CORO1C: variants seen among roughly 807,000 people sequenced by gnomAD.
CORO1C encodes coronin 1C.
CORO1C carries 14 observed loss-of-function variants against 51.2 expected under a neutral mutation model. The observed-to-expected ratio is 0.27, with a 90% CI of 0.18 to 0.43. CORO1C has a LOEUF of 0.43. CORO1C is among the 20% of genes least tolerant of loss of function. CORO1C has a pLI of 1.00. For synonymous variants in CORO1C, 181 were observed against 210.5 expected, an observed-to-expected ratio of 0.86 and a Z score of 1.21; for missense variants, 417 against 607.8, an observed-to-expected ratio of 0.69 and a Z score of 3.30.
intron 3 of CORO1C, among the ~76,000 whole-genome samples, chr12:108,671,708 AATGGAATAAGGT>A (rs2033726142): frequency 1.3e-5 from 2 of 152,196 alleles, no homozygotes; most frequent in Non-Finnish European, 2.9e-5. Context: ...GCCAAAAGAA[AATGGAATAAGGT>A]ATTTAGTTAC....
chr12:108,724,825 T>C (rs2035550084), intron 1 of CORO1C, among the ~76,000 whole-genome samples: 1 of 152,214 alleles, frequency 6.6e-6, no homozygotes, highest in Non-Finnish European at 1.5e-5. Context: ...CTTTGCATTA[T>C]ATTAATTACT....
intron 1 of CORO1C, among the ~76,000 whole-genome samples, chr12:108,715,811 C>T (rs2035316480): frequency 6.6e-6 from 1 of 151,982 alleles, no homozygotes; most frequent in South Asian, 2.1e-4. Flanking sequence ...CTTTTATAGA[C>T]ATGAGTGACC....
chr12:108,718,477 G>C (rs1354708355), intron 1 of CORO1C, among the ~76,000 whole-genome samples: 1 of 152,154 alleles, frequency 6.6e-6, no homozygotes, highest in Non-Finnish European at 1.5e-5. Flanking sequence ...GGGAGGCAGA[G>C]GTTGCAGTGA....
chr12:108,708,909 C>T (rs892528662), intron 1 of CORO1C, among the ~76,000 whole-genome samples: 1 of 151,898 alleles, frequency 6.6e-6, no homozygotes, highest in Non-Finnish European at 1.5e-5. Flanking sequence ...TACGCCACCA[C>T]ACCAGGCTAA....
intron 1 of CORO1C, among the ~76,000 whole-genome samples, chr12:108,712,178 G>T (rs1219636302): frequency 2.0e-5 from 3 of 152,200 alleles, no homozygotes; most frequent in Non-Finnish European, 4.4e-5. Flanking sequence ...GAGATCCGAT[G>T]TGTTATTCAA....
intron 3 of CORO1C, among the ~76,000 whole-genome samples, chr12:108,675,075 C>T (rs1592884192): frequency 1.3e-5 from 2 of 152,150 alleles, no homozygotes; most frequent in Admixed American, 6.5e-5. Flanking sequence ...TCCAGCCCAA[C>T]CTTCAGCAAC....
At chr12:108,696,178 G>C (rs974373872) in intron 2 of CORO1C, among the ~76,000 whole-genome samples, 1 of 152,122 alleles carries the variant, frequency 6.6e-6, no homozygotes, top group Non-Finnish European at 1.5e-5. Flanking sequence ...TTTCTGTGAG[G>C]GTGAAATCAG....
intron 3 of CORO1C, among the ~76,000 whole-genome samples, chr12:108,663,377 A>C (rs1350815319): frequency 4.6e-5 from 7 of 152,258 alleles, no homozygotes. Flanking sequence ...AAACTTGTAC[A>C]AGAATGTTCA....
In CORO1C at chr12:108,647,529, AAAC is replaced by A; in HGVS notation, c.1306-10_1306-8del. ...CCAACTTGGCTTCATTTTGCTAAGA[AAAC>A]AAAAAAAGGAGGCAGTGATTAAAAT... On this transcript the variant is annotated splice_polypyrimidine_tract_variant and splice_region_variant and intron_variant, in intron 10 of 10. Transcript: ENST00000261401. 2 of 1,590,374 alleles carry A rather than the reference AAAC, an allele frequency of 1.3e-6. No individual in the cohort carries two copies. Among genetic ancestry groups the A allele is most frequent in the Non-Finnish European group, 1.7e-6 (2 of 1,161,892 alleles).
At chr12:108,704,713 T>C (rs2034977971) in intron 1 of CORO1C, among the ~76,000 whole-genome samples, 2 of 152,236 alleles carry the variant, frequency 1.3e-5, no homozygotes, top group African/African-American at 4.8e-5. Context: ...TGGGCTCACC[T>C]GTGTACATGT....
intron 7 of CORO1C, among the ~76,000 whole-genome samples, chr12:108,653,329 T>G (rs1565900559): frequency 6.6e-6 from 1 of 152,248 alleles, no homozygotes; most frequent in Non-Finnish European, 1.5e-5. Flanking sequence ...GTAAATGCAC[T>G]TAACACCTGT....
rs1344089059 is a variant in CORO1C at position 108,658,604 on chromosome 12, C to T, written c.630+134G>A. 2.7e-6 allele frequency: 2 copies of T among 753,322 alleles called. No homozygotes were observed. Among genetic ancestry groups the T allele is most frequent in the Non-Finnish European group, 4.1e-6 (2 of 486,324 alleles). The allele number at this position is 753,322 out of a possible 1,614,324, so 46.7% of individuals were successfully genotyped here. A position where few individuals can be genotyped will look rare whatever the true frequency, so the allele number is the denominator to read the frequency against. Reference sequence around the variant, plus strand: ...TGGGGAGACAGAAGCCTTTATAAGCCTTCTCTTATTCACAGTTGGTGTCTA... The same window carrying T: ...TGGGGAGACAGAAGCCTTTATAAGCTTTCTCTTATTCACAGTTGGTGTCTA... On this transcript the variant is annotated intron_variant, in intron 5 of 10. Coordinates refer to ENST00000261401, the MANE Select transcript of CORO1C (RefSeq NM_014325.4). This position sits in a 1 kb window ranked among gnomAD's most constrained non-coding sequence, Gnocchi z 4.9.
chr12:108,687,826 A>C (rs1402912229), intron 2 of CORO1C, among the ~76,000 whole-genome samples: 1 of 152,118 alleles, frequency 6.6e-6, no homozygotes. Context: ...AAAAGAAAAA[A>C]GAAGAAATGA....
intron 3 of CORO1C, among the ~76,000 whole-genome samples, chr12:108,673,634 A>C (rs2033798518): frequency 6.6e-6 from 1 of 152,212 alleles, no homozygotes; most frequent in Non-Finnish European, 1.5e-5. Flanking sequence ...GCCTGGCTTC[A>C]AAGCTTCAAA....
intron 3 of CORO1C, among the ~76,000 whole-genome samples, chr12:108,667,988 C>T (rs7973983): frequency 0.03 from 4,632 of 152,272 alleles, 236 homozygotes; most frequent in African/African-American, 0.11. Context: ...GCTTTCCAGA[C>T]ACTGCTTCCC....
intron 2 of CORO1C, among the ~76,000 whole-genome samples, chr12:108,688,329 A>G (rs1487099830): frequency 6.6e-6 from 1 of 152,208 alleles, no homozygotes; most frequent in Non-Finnish European, 1.5e-5. Context: ...CTGTTAATGT[A>G]CACAAACATG....
At chr12:108,726,858 C>A (rs370397321) in intron 1 of CORO1C, among the ~76,000 whole-genome samples, 10 of 152,160 alleles carry the variant, frequency 6.6e-5, no homozygotes, top group African/African-American at 2.4e-4. Flanking sequence ...TACTGTTCAT[C>A]GGGGGAAAGA....
rs2035712918 is a variant in CORO1C, at chr12:108,731,071, T to G, written c.-6+358A>C. ...GCCCAAGCAGGCGATCCCTGACCCC[T>G]AAAAGCCTTCCCTGGGCAGCCTCGT... On this transcript the variant is annotated intron_variant, in intron 1 of 10. Transcript: ENST00000261401. The surrounding 1 kb of genome is among the most constrained non-coding windows in gnomAD (Gnocchi z 5.2). 6.5e-6 allele frequency: 1 copy of G among 153,016 alleles called. No individual in the cohort carries two copies. The highest frequency in any genetic ancestry group is 1.4e-5 in the Non-Finnish European group (1 of 69,052). The allele number at this position is 153,016 out of a possible 1,614,324, so 9.5% of individuals were successfully genotyped here.
intron 1 of CORO1C, among the ~76,000 whole-genome samples, chr12:108,728,712 A>G (rs1432197978): frequency 6.6e-6 from 1 of 152,244 alleles, no homozygotes; most frequent in Non-Finnish European, 1.5e-5. Flanking sequence ...GATCTGAACT[A>G]GGGCAAAGAA....
Sources: allele counts gnomAD v4.1 joint callset (sites outside exome capture counted in the v4.1 genomes callset), GRCh38; gene constraint gnomAD v4.1.1; non-coding constraint Gnocchi (gnomAD v3.1); transcripts MANE v1.5; gene names NCBI Gene and HGNC (gene_info 2026-07-23, HGNC 2026-07-21).